Variants in ZBTB17 observed in about 807,000 individuals in gnomAD.
The protein encoded by ZBTB17 is zinc finger and BTB domain containing 17, also known as zinc finger and BTB domain-containing protein 17.
ZBTB17 carries 24 observed loss-of-function variants against 85.1 expected under a neutral mutation model. The observed-to-expected ratio is 0.28, with a 90% CI of 0.20 to 0.40. ZBTB17 has a LOEUF of 0.40. ZBTB17 is among the 10% of genes least tolerant of loss of function. The pLI is 1.00. For missense variants in ZBTB17, 743 were observed against 1,105.1 expected (o/e 0.67, Z 4.65); for synonymous variants, 464 against 460.2 (o/e 1.01, Z -0.11).
Position 15,946,438 on chromosome 1 carries a change from A to G in ZBTB17, c.395-144T>C, listed in dbSNP as rs61782258. ...GGTTTGCTGATTTGTTCATTCACCA[A>G]ATTATTCACAGGGCACCCACTCCAT... On this transcript the variant is annotated intron_variant, in intron 4 of 15. Coordinates refer to ENST00000375743, the MANE Select transcript of ZBTB17 (RefSeq NM_003443.3). The G allele has an allele frequency of 9.0e-5, 115 of 1,276,982 alleles. No homozygotes were observed. The African/African-American group carries it at 1.4e-3, about 16-fold the overall frequency. 79.1% of individuals were successfully genotyped at this position (1,276,982 alleles called of 1,614,324 possible).
intron 2 of ZBTB17, chr1:15,969,970 C>G: frequency 1.2e-6 from 1 of 834,062 alleles, no homozygotes; most frequent in Non-Finnish European, 1.9e-6. Context: ...TGGCTTCCCA[C>G]TGGGGAAGAG....
chr1:15,968,065 C>T (rs903037254), intron 2 of ZBTB17, among the ~76,000 whole-genome samples: 1 of 152,136 alleles, frequency 6.6e-6, no homozygotes, highest in African/African-American at 2.4e-5. Context: ...TACAGAAACC[C>T]ACCCCCCACA....
chr1:15,942,492 C>T (rs1199906348), intron 14 of ZBTB17, 37 bp downstream of exon 14: 1 of 1,610,094 alleles, frequency 6.2e-7, no homozygotes, highest in Admixed American at 1.7e-5. Flanking sequence ...TGGCAGCAAG[C>T]TGCCTGTGAC....
chr1:15,966,432 C>G lies in ZBTB17; in HGVS notation c.-3+6607G>C, dbSNP rs1404279156. 1.3e-5 allele frequency among the ~76,000 whole-genome samples: 2 copies of G among 152,266 alleles called. No individual in the cohort carries two copies. Among genetic ancestry groups the G allele is most frequent in the Non-Finnish European group, 2.9e-5 (2 of 68,024 alleles). On this transcript the variant is annotated intron_variant, in intron 2 of 15. Coordinates refer to ENST00000375743, the MANE Select transcript of ZBTB17 (RefSeq NM_003443.3). This position sits in a 1 kb window ranked among gnomAD's most constrained non-coding sequence, Gnocchi z 4.1. ...AACCCACTAAGCCTGCTTTCTGGCC[C>G]GCTCTCCACTCGCAGCGGGAATTCC...
At chr1:15,944,888 C>A in intron 7 of ZBTB17, 49 bp from the exon 8 acceptor site, 2 of 1,563,478 alleles carry the variant, frequency 1.3e-6, no homozygotes, top group East Asian at 4.7e-5. Flanking sequence ...CGGTGGGAGG[C>A]CGGAGGGGAG....
rs558247336 is a variant in ZBTB17, at chr1:15,964,071, G to A, written c.-3+8968C>T. On this transcript the variant is annotated intron_variant, in intron 2 of 15. Transcript: ENST00000375743. The surrounding 1 kb of genome is among the most constrained non-coding windows in gnomAD (Gnocchi z 4.3). ...GAAGGTCCAGGCTGCAGTAAGCTGC[G>A]ATTGTGCCACGGCACTCCAGCCTGG... Among the ~76,000 whole-genome samples the A allele has an allele frequency of 2.6e-5, 4 of 151,076 alleles. No individual in the cohort carries two copies. The highest frequency in any genetic ancestry group is 9.7e-5 in the African/African-American group (4 of 41,158).
Position 15,973,845 on chromosome 1 carries a change from A to C in ZBTB17, c.-89-720T>G, listed in dbSNP as rs1054238828. On this transcript the variant is annotated intron_variant, in intron 1 of 15. Transcript: ENST00000375743. The surrounding 1 kb of genome is among the most constrained non-coding windows in gnomAD (Gnocchi z 4.1). Reference sequence around the variant, plus strand: ...AGGCTCTTAATTGGCCTACAGGCCCACTCCCTTTGATACATTCTTCACTTA... The same window carrying C: ...AGGCTCTTAATTGGCCTACAGGCCCCCTCCCTTTGATACATTCTTCACTTA... Among the ~76,000 whole-genome samples the C allele has an allele frequency of 6.6e-6, 1 of 152,006 alleles. No individual in the cohort carries two copies. The highest frequency in any genetic ancestry group is 1.5e-5 in the Non-Finnish European group (1 of 68,004).
intron 2 of ZBTB17, among the ~76,000 whole-genome samples, chr1:15,963,909 C>G (rs1570186265): frequency 6.6e-6 from 1 of 150,808 alleles, no homozygotes; most frequent in East Asian, 1.9e-4. Context: ...AGTTCAAGAC[C>G]AGCCTGTCTT....
rs376259268 is a variant in ZBTB17 at position 15,942,322 on chromosome 1, C to G, written c.2128+9G>C. 6.2e-7 allele frequency: 1 copy of G among 1,613,830 alleles called. No individual in the cohort carries two copies. Among genetic ancestry groups the G allele is most frequent in the African/African-American group, 1.3e-5 (1 of 74,950 alleles). ...CTGCCCACATTCACACCCGGGTGGC[C>G]CCCCTCACCTTCTTCCTGCACTTGC... On this transcript the variant is annotated intron_variant, in intron 15 of 15. Transcript: ENST00000375743.
chr1:15,944,170 T>C, intron 9 of ZBTB17, 130 bp downstream of exon 9: 1 of 1,362,784 alleles, frequency 7.3e-7, no homozygotes, highest in Non-Finnish European at 1.0e-6. Context: ...TGCGCCTGTT[T>C]CCTGGGTGAA....
intron 9 of ZBTB17, 61 bp from the exon 10 acceptor site, chr1:15,943,956 C>A: frequency 6.9e-7 from 1 of 1,454,026 alleles, no homozygotes; most frequent in Non-Finnish European, 9.4e-7. Flanking sequence ...GCCCCCTCAC[C>A]TGCCCCTCCC....
chr1:15,953,463 C>T lies in ZBTB17; in HGVS notation c.-2-4966G>A, dbSNP rs1274551387. On this transcript the variant is annotated intron_variant, in intron 2 of 15. Transcript: ENST00000375743. This position sits in a 1 kb window ranked among gnomAD's most constrained non-coding sequence, Gnocchi z 5.1. ...GCTGCCTTGAGGCCCAGCGTGGCAG[C>T]GAGGGTCAGAGGAGCTAAGAGAGCC... 3.9e-5 allele frequency among the ~76,000 whole-genome samples: 6 copies of T among 152,202 alleles called. No homozygotes were observed. Among genetic ancestry groups the T allele is most frequent in the East Asian group, 1.9e-4 (1 of 5,194 alleles).
intron 2 of ZBTB17, among the ~76,000 whole-genome samples, chr1:15,954,006 G>A (rs1215717666): frequency 6.6e-6 from 1 of 152,154 alleles, no homozygotes; most frequent in East Asian, 1.9e-4. Flanking sequence ...TTGTTAAGAG[G>A]TGTAATCATA....
chr1:15,946,033 AAC>A lies in ZBTB17; in HGVS notation c.535+119_535+120del, dbSNP rs544381247. ...GAACACACAATAGGTCATTCTGGGT[AAC>A]ACAGGCTCAAGAGGTGCAGGTGCCC... On this transcript the variant is annotated intron_variant, in intron 5 of 15. Coordinates refer to ENST00000375743, the MANE Select transcript of ZBTB17 (RefSeq NM_003443.3). The A allele has an allele frequency of 1.4e-4, 223 of 1,563,634 alleles. 5 individuals are homozygous for A. The South Asian group carries it at 2.2e-3, about 15-fold the overall frequency.
In ZBTB17 at chr1:15,948,313, G is replaced by A. The variant is rs772068068; in HGVS notation, c.183C>T (p.His61=). The A allele has an allele frequency of 1.2e-6, 2 of 1,613,902 alleles. No individual in the cohort carries two copies. The highest frequency in any genetic ancestry group is 1.7e-6 in the Non-Finnish European group (2 of 1,180,044). The change falls in exon 3 of 16, where the codon CAC becomes CAT. Residue 61 remains histidine (H), a synonymous_variant. Transcript: ENST00000375743. ...TACCTGCCGCGTTACTGATGTCCAG[G>A]TGCACCACGTCCTTCTGGTCCACGA... The part of the protein sequence containing the change: ...MLFVDQKDVV[H]LDISNAAGLG...
rs1269131963 is a variant in ZBTB17, at chr1:15,973,502, C to T, written c.-89-377G>A. Among the ~76,000 whole-genome samples, 1 of 152,218 alleles carries T rather than the reference C, an allele frequency of 6.6e-6. No homozygotes were observed. The highest frequency in any genetic ancestry group is 1.5e-5 in the Non-Finnish European group (1 of 68,042). ...CCTACCCTAGGTGAGCTCATCCCCT[C>T]CCATGACTTCAGTGACCTTTGATGG... On this transcript the variant is annotated intron_variant, in intron 1 of 15. Coordinates refer to ENST00000375743, the MANE Select transcript of ZBTB17 (RefSeq NM_003443.3). The surrounding 1 kb of genome is among the most constrained non-coding windows in gnomAD (Gnocchi z 4.1).
At chr1:15,970,174 T>C (rs2072593867) in intron 2 of ZBTB17, 2 of 527,626 alleles carry the variant, frequency 3.8e-6, no homozygotes, top group Admixed American at 6.7e-5. Flanking sequence ...AGGACTTCTA[T>C]TTGCTGCCAA....
intron 2 of ZBTB17, among the ~76,000 whole-genome samples, chr1:15,960,165 A>G (rs975433104): frequency 6.6e-6 from 1 of 152,158 alleles, no homozygotes; most frequent in African/African-American, 2.4e-5. Context: ...CCCAGTTAAA[A>G]CACTCCTACC....
At chr1:15,943,758 G>C (rs1403757547) in intron 10 of ZBTB17, 43 bp from the exon 11 acceptor site, 1 of 1,612,660 alleles carries the variant, frequency 6.2e-7, no homozygotes, top group Non-Finnish European at 8.5e-7. Context: ...GGCACCACCG[G>C]TGGCCGAGGA....
Sources: allele counts gnomAD v4.1 joint callset (sites outside exome capture counted in the v4.1 genomes callset), GRCh38; gene constraint gnomAD v4.1.1; non-coding constraint Gnocchi (gnomAD v3.1); transcripts MANE v1.5; gene names NCBI Gene and HGNC (gene_info 2026-07-23, HGNC 2026-07-21).